Variants in AJAP1 observed in about 807,000 individuals in gnomAD.
AJAP1 encodes the protein adherens junction-associated protein 1.
A neutral mutation model predicts 35.0 loss-of-function variants in AJAP1; 5 were observed. The observed-to-expected ratio is 0.14, with a 90% CI of 0.07 to 0.30. The LOEUF is 0.30. Ranked by LOEUF, AJAP1 falls within the 10% of genes least tolerant of loss-of-function variation. The pLI is 1.00. For synonymous variants in AJAP1, 284 were observed against 249.3 expected, an observed-to-expected ratio of 1.14 and a Z score of -1.31; for missense variants, 586 against 571.0, an observed-to-expected ratio of 1.03 and a Z score of -0.27.
At chr1:4,719,637 G>C (rs242041) in intron 2 of AJAP1, among the ~76,000 whole-genome samples, 87,965 of 151,926 alleles carry the variant, frequency 0.58, 26,763 homozygotes, top group East Asian at 0.99. Flanking sequence ...TCCACCTCCC[G>C]GCAGCTCAGT....
At chr1:4,669,439 C>CA (rs1639204105) in intron 1 of AJAP1, among the ~76,000 whole-genome samples, 1 of 152,210 alleles carries the variant, frequency 6.6e-6, no homozygotes, top group Non-Finnish European at 1.5e-5. Context: ...AAAGGAGAAG[C>CA]AGGCACCTTC....
At chr1:4,736,352 C>T (rs1027393302) in intron 2 of AJAP1, among the ~76,000 whole-genome samples, 2 of 152,200 alleles carry the variant, frequency 1.3e-5, no homozygotes, top group Non-Finnish European at 2.9e-5. Flanking sequence ...TCCTGTTGCC[C>T]GCTGCGCTGT....
At chr1:4,712,849 T>C (rs977817114) in intron 2 of AJAP1, 150 bp downstream of exon 2, 3 of 760,752 alleles carry the variant, frequency 3.9e-6, no homozygotes, top group African/African-American at 3.5e-5. Flanking sequence ...TGCACATGCC[T>C]GTAGACTGGC....
rs114733119 is a variant in AJAP1, at chr1:4,787,001, A to T, written c.*4516A>T. 2,442 of 152,382 alleles carry T rather than the reference A, an allele frequency of 0.016. 55 individuals carry two copies. The highest frequency in any genetic ancestry group is 0.047 in the African/African-American group (1,962 of 41,546). The allele number at this position is 152,382 out of a possible 1,614,324, so 9.4% of individuals were successfully genotyped here. On this transcript the variant is annotated 3_prime_UTR_variant, in exon 6 of 6. Transcript: ENST00000378191. ...AGTCGCAGTGGGAAAAGATACCAAG[A>T]CACCTGATTTCTTGAACCATTCTTG... is the stretch of plus-strand genomic sequence containing the variant.
intron 1 of AJAP1, among the ~76,000 whole-genome samples, chr1:4,710,065 CAT>C (rs948588328): frequency 3.3e-5 from 5 of 152,262 alleles, no homozygotes; most frequent in East Asian, 1.9e-4. Flanking sequence ...CACACTCACA[CAT>C]AGAGTCTCTC....
intron 2 of AJAP1, among the ~76,000 whole-genome samples, chr1:4,713,624 G>A (rs1165654433): frequency 2.6e-5 from 4 of 152,194 alleles, no homozygotes; most frequent in African/African-American, 9.6e-5. Context: ...TGGGCACCCC[G>A]TCACCCTCAC....
In AJAP1 at chr1:4,734,362, G is replaced by A. The variant is rs143373522; in HGVS notation, c.829+21663G>A. Reference sequence around the variant, plus strand: ...ATCTCATAAGGCCCACAGGACACACGTCCTGGGAAGAAGGCATTCCTCTGA... The same window carrying A: ...ATCTCATAAGGCCCACAGGACACACATCCTGGGAAGAAGGCATTCCTCTGA... On this transcript the variant is annotated intron_variant, in intron 2 of 5. Coordinates refer to ENST00000378191, the MANE Select transcript of AJAP1 (RefSeq NM_018836.4). The surrounding 1 kb of genome is among the most constrained non-coding windows in gnomAD (Gnocchi z 4.3). Among the ~76,000 whole-genome samples, 9 of 152,294 alleles carry A rather than the reference G, an allele frequency of 5.9e-5. No homozygotes were observed. Among genetic ancestry groups the A allele is most frequent in the African/African-American group, 1.9e-4 (8 of 41,574 alleles).
chr1:4,714,633 C>A (rs541461195), intron 2 of AJAP1, among the ~76,000 whole-genome samples: 1 of 152,238 alleles, frequency 6.6e-6, no homozygotes, highest in Non-Finnish European at 1.5e-5. Context: ...ATTTATGGTT[C>A]TTCATAATAT....
intron 1 of AJAP1, among the ~76,000 whole-genome samples, chr1:4,678,295 A>G (rs2071991): frequency 0.12 from 18,792 of 152,208 alleles, 1,490 homozygotes; most frequent in East Asian, 0.29. Context: ...AGTGTGCACT[A>G]CTATCTATTG....
At chr1:4,747,018 G>A (rs901451101) in intron 2 of AJAP1, among the ~76,000 whole-genome samples, 1 of 152,210 alleles carries the variant, frequency 6.6e-6, no homozygotes, top group Non-Finnish European at 1.5e-5. Flanking sequence ...GGACAAGACC[G>A]TGTTCACGTG....
chr1:4,676,954 C>T (rs1158003677), intron 1 of AJAP1, among the ~76,000 whole-genome samples: 4 of 152,210 alleles, frequency 2.6e-5, no homozygotes, highest in East Asian at 1.9e-4. Flanking sequence ...GTCTGGAGTT[C>T]GAGACCAGCC....
chr1:4,742,956 C>A (rs61766964), intron 2 of AJAP1, among the ~76,000 whole-genome samples: 4,696 of 152,306 alleles, frequency 0.031, 104 homozygotes, highest in Middle Eastern at 0.054. Context: ...CAGATTTCAA[C>A]GTCAAGTTGC....
intron 3 of AJAP1, among the ~76,000 whole-genome samples, chr1:4,771,321 G>A (rs1214892082): frequency 2.0e-5 from 3 of 152,198 alleles, no homozygotes; most frequent in African/African-American, 7.2e-5. Context: ...CAGGAATCAG[G>A]ATTCCTTTCA....
intron 2 of AJAP1, among the ~76,000 whole-genome samples, chr1:4,755,474 T>A (rs1309693713): frequency 6.6e-6 from 1 of 152,088 alleles, no homozygotes; most frequent in Non-Finnish European, 1.5e-5. Context: ...CAGAGCACCC[T>A]GCCTGGCCAC....
At chr1:4,674,741 T>C (rs192105205) in intron 1 of AJAP1, among the ~76,000 whole-genome samples, 1 of 152,286 alleles carries the variant, frequency 6.6e-6, no homozygotes, top group Non-Finnish European at 1.5e-5. Flanking sequence ...GAGGGATCGG[T>C]CGGGGCCCAG....
rs181450879 is a variant in AJAP1 at position 4,704,089 on chromosome 1, T to C, written c.30-7811T>C. On this transcript the variant is annotated intron_variant, in intron 1 of 5. Coordinates refer to ENST00000378191, the MANE Select transcript of AJAP1 (RefSeq NM_018836.4). ...GCCCTGTTCCCCATCCACTGTATTGTGGATAATTACCCCCTTACACTAGCC... is the reference window on the plus strand; with the variant it reads ...GCCCTGTTCCCCATCCACTGTATTGCGGATAATTACCCCCTTACACTAGCC... Among the ~76,000 whole-genome samples, 1,202 of 151,830 alleles carry C rather than the reference T, an allele frequency of 7.9e-3. 10 individuals carry two copies. The highest frequency in any genetic ancestry group is 0.028 in the African/African-American group (1,141 of 41,400).
intron 1 of AJAP1, among the ~76,000 whole-genome samples, chr1:4,689,741 G>A (rs1639696392): frequency 6.6e-6 from 1 of 152,244 alleles, no homozygotes; most frequent in African/African-American, 2.4e-5. Context: ...CCGCTTTCAA[G>A]CTGTAAAGCT....
chr1:4,702,635 G>A (rs754195210), intron 1 of AJAP1, among the ~76,000 whole-genome samples: 10 of 152,152 alleles, frequency 6.6e-5, no homozygotes, highest in East Asian at 1.9e-4. Context: ...TGGGGCTCCC[G>A]GTGAGGCCAG....
At chr1:4,777,098 T>TA (rs1641955896) in intron 5 of AJAP1, among the ~76,000 whole-genome samples, 1 of 152,248 alleles carries the variant, frequency 6.6e-6, no homozygotes, top group African/African-American at 2.4e-5. Context: ...GTTGGGATTC[T>TA]AAGTATCCCC....
Sources: gnomAD v4.1 joint callset for allele counts (sites outside exome capture counted in the v4.1 genomes callset) on GRCh38, gnomAD v4.1.1 for gene constraint, Gnocchi (gnomAD v3.1) non-coding constraint, MANE v1.5 for transcripts, NCBI Gene and HGNC (gene_info 2026-07-23, HGNC 2026-07-21) for gene names.